CPS1: variants seen among roughly 807,000 people sequenced by gnomAD.
The protein encoded by CPS1 is carbamoyl-phosphate synthase 1.
A neutral mutation model predicts 174.6 loss-of-function variants in CPS1; 109 were observed. That is an observed-to-expected ratio of 0.62 (90% CI 0.53 to 0.73). The LOEUF (loss-of-function observed/expected upper bound fraction) is 0.73, where lower values mean the gene tolerates loss of function less well. Among genes scored for constraint, CPS1 ranks in the 30% least tolerant of loss-of-function variants. The probability of loss-of-function intolerance (pLI) is 0.00; values close to 1 mark genes in which losing one functional copy is unlikely to be tolerated. For synonymous variants in CPS1, 637 were observed against 632.0 expected, an observed-to-expected ratio of 1.01 and a Z score of -0.12; for missense variants, 1,689 against 1,821.9, an observed-to-expected ratio of 0.93 and a Z score of 1.33.
chr2:210,520,493 G>A (rs974480939), intron 1 of CPS1, among the ~76,000 whole-genome samples: 5 of 151,944 alleles, frequency 3.3e-5, no homozygotes, highest in Admixed American at 3.3e-4. Context: ...GCCCCAGTGT[G>A]TGATGTTCCC....
At chr2:210,591,167 C>G (rs1257560889) in intron 9 of CPS1, among the ~76,000 whole-genome samples, 2 of 151,910 alleles carry the variant, frequency 1.3e-5, no homozygotes, top group African/African-American at 2.4e-5. Context: ...GCAGCCTTCT[C>G]TAATGATAAC....
At chr2:210,598,910 A>G (rs533011756) in intron 13 of CPS1, among the ~76,000 whole-genome samples, 1 of 152,072 alleles carries the variant, frequency 6.6e-6, no homozygotes, top group East Asian at 1.9e-4. Context: ...AACAGAATAT[A>G]CATTTTTCTC....
rs578173366 is a variant in CPS1, at chr2:210,534,446, T to C, written c.4-22273T>C. 1.4e-4 allele frequency among the ~76,000 whole-genome samples: 21 copies of C among 152,364 alleles called. No homozygotes were observed. In the South Asian group the frequency reaches 4.3e-3, roughly 32 times the overall value. On this transcript the variant is annotated intron_variant, in intron 1 of 38. Coordinates refer to the CPS1 transcript ENST00000430249. ...CCTCAAAATCATTACTATATATTGC[T>C]GTGGGCCAGATTTGTGCATTTCTAG...
intron 1 of CPS1, among the ~76,000 whole-genome samples, chr2:210,497,146 A>G (rs868271102): frequency 1.3e-5 from 2 of 152,094 alleles, no homozygotes; most frequent in South Asian, 2.1e-4. Flanking sequence ...TCATCATTAC[A>G]TTTGACCCAG....
intron 36 of CPS1, 56 bp downstream of exon 36, chr2:210,675,896 C>A: frequency 1.2e-6 from 1 of 856,238 alleles, no homozygotes; most frequent in Non-Finnish European, 2.0e-6. Context: ...CTTTGAGAAC[C>A]AGTATATGAA....
At chr2:210,663,690 A>C (rs1207303208) in intron 33 of CPS1, among the ~76,000 whole-genome samples, 4 of 152,182 alleles carry the variant, frequency 2.6e-5, no homozygotes, top group South Asian at 2.1e-4. Flanking sequence ...ATTATCTAAA[A>C]ACTATAATGG....
At chr2:210,609,153 T>C (rs1184931037) in intron 19 of CPS1, among the ~76,000 whole-genome samples, 1 of 152,006 alleles carries the variant, frequency 6.6e-6, no homozygotes, top group Non-Finnish European at 1.5e-5. Flanking sequence ...TTAACATCTT[T>C]AGAAGATTTT....
intron 1 of CPS1, among the ~76,000 whole-genome samples, chr2:210,538,531 C>T (rs932163364): frequency 1.3e-5 from 2 of 151,986 alleles, no homozygotes; most frequent in Non-Finnish European, 2.9e-5. Context: ...ATCTTGTCTA[C>T]AATAGCAATT....
At chr2:210,584,967 G>A (rs960119655) in intron 6 of CPS1, among the ~76,000 whole-genome samples, 1 of 151,902 alleles carries the variant, frequency 6.6e-6, no homozygotes, top group African/African-American at 2.4e-5. Context: ...TCCCCTTCTC[G>A]CCTGAAGAAG....
intron 1 of CPS1, among the ~76,000 whole-genome samples, chr2:210,501,563 C>T (rs1179787671): frequency 6.6e-6 from 1 of 152,296 alleles, no homozygotes; most frequent in East Asian, 1.9e-4. Context: ...CAAAGTTCTA[C>T]AGATCTCTAG....
chr2:210,543,430 A>G (rs1696483687), intron 1 of CPS1, among the ~76,000 whole-genome samples: 1 of 151,774 alleles, frequency 6.6e-6, no homozygotes, highest in Admixed American at 6.6e-5. Flanking sequence ...AGATATCATC[A>G]ATTTCCAGCT....
intron 1 of CPS1, among the ~76,000 whole-genome samples, chr2:210,479,564 A>G (rs1694507457): frequency 6.6e-6 from 1 of 152,074 alleles, no homozygotes; most frequent in African/African-American, 2.4e-5. Flanking sequence ...CCTGACCTCA[A>G]GTGATATGCC....
chr2:210,605,956 G>T (rs1279890924), intron 17 of CPS1, among the ~76,000 whole-genome samples: 2 of 151,786 alleles, frequency 1.3e-5, no homozygotes, highest in Non-Finnish European at 1.5e-5. Flanking sequence ...GATAGAAGGG[G>T]AGAATAAAGA....
At chr2:210,519,875 A>G (rs1294707246) in intron 1 of CPS1, 6 of 728,962 alleles carry the variant, frequency 8.2e-6, no homozygotes, top group Non-Finnish European at 1.0e-5. Context: ...TGATATAATC[A>G]GAGATGCGTT....
intron 30 of CPS1, 63 bp from the exon 31 acceptor site, chr2:210,658,536 G>T: frequency 7.3e-7 from 1 of 1,377,856 alleles, no homozygotes. Context: ...GTGCCTTTTA[G>T]AAAGTTTTCA....
chr2:210,591,041 AAAAT>A lies in CPS1; in HGVS notation c.947+163_947+166del, dbSNP rs544805806. On this transcript the variant is annotated intron_variant, in intron 9 of 37. Coordinates refer to ENST00000233072, the MANE Select transcript of CPS1 (RefSeq NM_001875.5). ...GTACCCTAAAACTTAAAGTATAATA[AAAAT>A]AAATAAATAAATAAATAAATAAATA... 2,129 of 257,914 alleles carry A rather than the reference AAAAT, an allele frequency of 8.3e-3. 34 individuals carry two copies. The highest frequency in any genetic ancestry group is 0.044 in the African/African-American group (1,898 of 42,900). The allele number at this position is 257,914 out of a possible 1,614,324, so 16.0% of individuals were successfully genotyped here. A position where few individuals can be genotyped will look rare whatever the true frequency, so the allele number is the denominator to read the frequency against.
intron 1 of CPS1, among the ~76,000 whole-genome samples, chr2:210,565,364 C>G (rs1305036166): frequency 1.3e-5 from 2 of 152,034 alleles, no homozygotes; most frequent in African/African-American, 4.8e-5. Context: ...TGATTGGCTC[C>G]CAGATTCACA....
intron 21 of CPS1, chr2:210,619,216 G>A (rs1187379401): frequency 6.6e-6 from 1 of 152,090 alleles, no homozygotes; most frequent in Non-Finnish European, 1.5e-5. Flanking sequence ...TTCCACCCTT[G>A]TGCATTGGAA....
intron 1 of CPS1, among the ~76,000 whole-genome samples, chr2:210,511,222 TC>T (rs1316624316): frequency 6.6e-6 from 1 of 152,170 alleles, no homozygotes; most frequent in Non-Finnish European, 1.5e-5. Flanking sequence ...TGAGTTCATG[TC>T]CTTTGTAGGG....
Sources: gnomAD v4.1 joint callset for allele counts (sites outside exome capture counted in the v4.1 genomes callset) on GRCh38, gnomAD v4.1.1 for gene constraint, MANE v1.5 for transcripts, NCBI Gene and HGNC (gene_info 2026-07-23, HGNC 2026-07-21) for gene names.